The following IFT172 variants were observed in gnomAD, a reference collection of about 807,000 sequenced individuals.
IFT172 encodes the protein intraflagellar transport 172.
In IFT172, 164 loss-of-function variants were observed where a neutral mutation model predicts 248.9. That is an observed-to-expected ratio of 0.66 (90% CI 0.58 to 0.75). The LOEUF (loss-of-function observed/expected upper bound fraction) is 0.75, where lower values mean the gene tolerates loss of function less well. Ranked by LOEUF, IFT172 falls within the 30% of genes least tolerant of loss-of-function variation. The pLI is 0.00. For missense variants in IFT172, 1,950 were observed against 2,192.4 expected (o/e 0.89, Z 2.21); for synonymous variants, 729 against 791.6 (o/e 0.92, Z 1.33).
chr2:27,463,202 CATT>C (rs751184453), intron 18 of IFT172, 21 bp from the exon 19 acceptor site: 1 of 1,586,982 alleles, frequency 6.3e-7, no homozygotes, highest in East Asian at 2.2e-5. Flanking sequence ...GAAGCAATAA[CATT>C]AATAGTAATA....
In IFT172 at chr2:27,459,461, T is replaced by C. The variant is rs549430636; in HGVS notation, c.2704A>G (p.Ile902Val). The C allele has an allele frequency of 1.1e-5, 18 of 1,614,210 alleles. No homozygotes were observed. The highest frequency in any genetic ancestry group is 1.7e-5 in the Admixed American group (1 of 60,022). The part of the protein sequence containing the change: ...GARQWKKAIY[I>V]LDLQDRNTAS... Reference sequence around the variant, plus strand: ...GTGTTCCGGTCCTGTAGATCTAATATATAAATTGCCTTCTTCCACTGGCGG... The same window carrying C: ...GTGTTCCGGTCCTGTAGATCTAATACATAAATTGCCTTCTTCCACTGGCGG... Residue 902 changes from isoleucine (I) to valine (V), a missense_variant, in exon 25 of 48, where the codon ATA (isoleucine) becomes GTA (valine). Physicochemically the swap from Ile to Val is conservative, Grantham distance 29. Around this residue, in one of 3 missense-constraint regions of IFT172, gnomAD observed 1,166 missense variants for 1,254.1 expected, o/e 0.93. Transcript: ENST00000260570.
At chr2:27,484,834 G>T (rs1397036862) in intron 3 of IFT172, among the ~76,000 whole-genome samples, 184 bp downstream of exon 3, 2 of 152,176 alleles carry the variant, frequency 1.3e-5, no homozygotes, top group Non-Finnish European at 2.9e-5. Context: ...TTTCCTCCAG[G>T]GATGGGATTG....
rs369400518 is a variant in IFT172, at chr2:27,445,932, G to A, written c.4812C>T (p.Thr1604=). ...FIFLNRFLDL[T]DAIEEGTLDG... ...GGGGCACAGCTTCCCTACTCACATC[G>A]GTCAGGTCCAAAAAGCGATTGAGGA... The change falls in exon 44 of 48, where the codon ACC becomes ACT. Residue 1604 remains threonine (T), a synonymous_variant. Coordinates refer to ENST00000260570, the MANE Select transcript of IFT172 (RefSeq NM_015662.3). This position sits in a 1 kb window ranked among gnomAD's most constrained non-coding sequence, Gnocchi z 4.4. 6 of 1,614,036 alleles carry A rather than the reference G, an allele frequency of 3.7e-6. No individual in the cohort carries two copies. The highest frequency in any genetic ancestry group is 1.6e-4 in the Middle Eastern group (1 of 6,084).
At chr2:27,472,664 G>C (rs1387107841) in intron 14 of IFT172, among the ~76,000 whole-genome samples, 1 of 152,198 alleles carries the variant, frequency 6.6e-6, no homozygotes, top group Non-Finnish European at 1.5e-5. Flanking sequence ...CAATACAGCA[G>C]TGAGACAAGG....
chr2:27,448,360 A>G (rs1276812012), intron 40 of IFT172, among the ~76,000 whole-genome samples: 1 of 152,204 alleles, frequency 6.6e-6, no homozygotes, highest in South Asian at 2.1e-4. Flanking sequence ...CGGCCTCCCA[A>G]AGTGTTGGGA....
At chr2:27,469,146 C>T (rs1667354564) in intron 16 of IFT172, among the ~76,000 whole-genome samples, 1 of 152,204 alleles carries the variant, frequency 6.6e-6, no homozygotes, top group Non-Finnish European at 1.5e-5. Flanking sequence ...GTAATCCCAG[C>T]ACTTTGGGAG....
chr2:27,458,712 A>G (rs1666384441), intron 26 of IFT172, 67 bp downstream of exon 26: 6 of 1,564,910 alleles, frequency 3.8e-6, no homozygotes, highest in East Asian at 2.2e-5. Flanking sequence ...AGAAACAGGT[A>G]TCAAGGAATG....
chr2:27,478,983 C>T (rs1307168619), intron 10 of IFT172, among the ~76,000 whole-genome samples: 2 of 152,188 alleles, frequency 1.3e-5, no homozygotes, highest in East Asian at 1.9e-4. Flanking sequence ...GCAATCTCTG[C>T]ACACCTTATG....
chr2:27,476,596 T>C (rs755720320), intron 14 of IFT172, 45 bp downstream of exon 14: 1 of 1,203,380 alleles, frequency 8.3e-7, no homozygotes, highest in African/African-American at 1.5e-5. Context: ...AAGTGTGATA[T>C]AAACATCTAT....
intron 5 of IFT172, 23 bp from the exon 6 acceptor site, chr2:27,483,682 A>T: frequency 3.7e-6 from 6 of 1,610,798 alleles, no homozygotes; most frequent in Non-Finnish European, 5.1e-6. Flanking sequence ...AAATTGATAC[A>T]AGTATGGTTA....
intron 15 of IFT172, 121 bp downstream of exon 15, chr2:27,472,129 C>T (rs745812603): frequency 9.5e-6 from 7 of 737,940 alleles, no homozygotes; most frequent in Non-Finnish European, 2.5e-6. Context: ...GTGCCTTCTG[C>T]CATGTTGATG....
intron 16 of IFT172, among the ~76,000 whole-genome samples, chr2:27,468,736 CT>C (rs1667315171): frequency 6.6e-6 from 1 of 151,136 alleles, no homozygotes; most frequent in Admixed American, 6.6e-5. Flanking sequence ...GTAGTCCTAG[CT>C]ACTTGGGAGG....
rs756750247 is a variant in IFT172, at chr2:27,445,918, TC to T, written c.4815+10del. The T allele has an allele frequency of 6.8e-6, 11 of 1,614,056 alleles. No homozygotes were observed. The South Asian group carries it at 1.2e-4, about 18-fold the overall frequency. ...AAACCTCCACCCTCGGGGCACAGCT[TC>T]CCTACTCACATCGGTCAGGTCCAAA... On this transcript the variant is annotated intron_variant, in intron 44 of 47. Coordinates refer to ENST00000260570, the MANE Select transcript of IFT172 (RefSeq NM_015662.3). This position sits in a 1 kb window ranked among gnomAD's most constrained non-coding sequence, Gnocchi z 4.4.
intron 14 of IFT172, among the ~76,000 whole-genome samples, chr2:27,475,239 T>A (rs1667879860): frequency 6.6e-6 from 1 of 152,342 alleles, no homozygotes; most frequent in East Asian, 1.9e-4. Flanking sequence ...CTGGTGGGAA[T>A]AGAAATTGGT....
chr2:27,470,468 A>C (rs1667479092), intron 16 of IFT172, among the ~76,000 whole-genome samples: 1 of 152,224 alleles, frequency 6.6e-6, no homozygotes. Context: ...CTAGCCTAGC[A>C]CAGGAGCCTG....
intron 18 of IFT172, 32 bp from the exon 19 acceptor site, chr2:27,463,213 ATAT>A: frequency 6.4e-7 from 1 of 1,566,124 alleles, no homozygotes; most frequent in Non-Finnish European, 8.8e-7. Context: ...ATTAATAGTA[ATAT>A]TATTATAGAA....
At chr2:27,479,882 G>T in intron 9 of IFT172, 144 bp downstream of exon 9, 1 of 1,180,306 alleles carries the variant, frequency 8.5e-7, no homozygotes, top group Non-Finnish European at 1.2e-6. Flanking sequence ...TCTCTTTCCT[G>T]CCTTTAATGC....
At position 27,478,115 on chromosome 2, in the gene IFT172, G is replaced by T; in HGVS notation, c.1047C>A (p.Leu349=). The change falls in exon 11 of 48, where the codon CTC becomes CTA. Residue 349 remains leucine (L), a synonymous_variant. Coordinates refer to ENST00000260570, the MANE Select transcript of IFT172 (RefSeq NM_015662.3). ...CCACCTCATAGCCATAGTGTGACTT[G>T]AGCACCACTCGGGTTCCTGATGACA... ...KNLSSGTRVV[L]KSHYGYEVEE... 6.2e-7 allele frequency: 1 copy of T among 1,614,062 alleles called. No individual in the cohort carries two copies. Among genetic ancestry groups the T allele is most frequent in the Non-Finnish European group, 8.5e-7 (1 of 1,180,022 alleles).
At chr2:27,465,715 C>A in intron 17 of IFT172, 31 bp downstream of exon 17, 1 of 1,613,744 alleles carries the variant, frequency 6.2e-7, no homozygotes, top group Non-Finnish European at 8.5e-7. Flanking sequence ...GACTCTCCCA[C>A]CACCTCACTG....
Sources: gnomAD v4.1 joint callset for allele counts (sites outside exome capture counted in the v4.1 genomes callset) on GRCh38, gnomAD v4.1.1 for gene constraint, gnomAD v4.1.1 regional missense constraint, Gnocchi (gnomAD v3.1) non-coding constraint, MANE v1.5 for transcripts, NCBI Gene and HGNC (gene_info 2026-07-23, HGNC 2026-07-21) for gene names.